CPD: variants seen among roughly 807,000 people sequenced by gnomAD.
CPD encodes carboxypeptidase D, also known as metallocarboxypeptidase D.
Under a neutral mutation model 138.3 loss-of-function variants are expected in CPD, and 69 were observed. The ratio of observed to expected loss-of-function variants is 0.50; its 90% CI spans 0.41 to 0.61. The LOEUF (loss-of-function observed/expected upper bound fraction) is 0.61, where lower values mean the gene tolerates loss of function less well. CPD is among the 20% of genes least tolerant of loss of function. The pLI is 0.00. For missense variants in CPD, 1,432 were observed against 1,733.3 expected (o/e 0.83, Z 3.09); for synonymous variants, 651 against 642.1 (o/e 1.01, Z -0.21).
intron 2 of CPD, among the ~76,000 whole-genome samples, chr17:30,399,412 A>T (rs1277774839): frequency 6.6e-6 from 1 of 152,166 alleles, no homozygotes; most frequent in Non-Finnish European, 1.5e-5. Flanking sequence ...AAGAATGTTG[A>T]AATGTGCAAC....
At chr17:30,427,057 C>G (rs1226454142) in intron 6 of CPD, among the ~76,000 whole-genome samples, 2 of 151,990 alleles carry the variant, frequency 1.3e-5, no homozygotes, top group East Asian at 3.9e-4. Context: ...TGGCAGGTGC[C>G]TGTAATTCCA....
chr17:30,469,563 T>C lies in CPD; in HGVS notation c.*4749T>C, dbSNP rs573214907. 6.6e-6 allele frequency: 1 copy of C among 152,354 alleles called. No homozygotes were observed. Among genetic ancestry groups the C allele is most frequent in the East Asian group, 1.9e-4 (1 of 5,194 alleles). 9.4% of individuals were successfully genotyped at this position (152,354 alleles called of 1,614,324 possible). A position where few individuals can be genotyped will look rare whatever the true frequency, so the allele number is the denominator to read the frequency against. ...GTCTTCTTATGCCTTTGAAAGAAAGTTACTTTATCAAATGTATAAATAAAG... is the reference window on the plus strand; with the variant it reads ...GTCTTCTTATGCCTTTGAAAGAAAGCTACTTTATCAAATGTATAAATAAAG... On this transcript the variant is annotated 3_prime_UTR_variant, in exon 21 of 21. Coordinates refer to ENST00000225719, the MANE Select transcript of CPD (RefSeq NM_001304.5).
At chr17:30,441,888 T>C (rs1912878434) in intron 9 of CPD, among the ~76,000 whole-genome samples, 1 of 150,458 alleles carries the variant, frequency 6.6e-6, no homozygotes, top group Non-Finnish European at 1.5e-5. Context: ...TTGTTGTGTC[T>C]CTGCCCGGCT....
chr17:30,418,188 C>CT (rs918759605), intron 2 of CPD, among the ~76,000 whole-genome samples: 8 of 143,366 alleles, frequency 5.6e-5, no homozygotes, highest in African/African-American at 7.6e-5. Context: ...TCATTTTTTT[C>CT]TTTTTTTTTC....
intron 2 of CPD, among the ~76,000 whole-genome samples, chr17:30,396,060 G>A (rs1911499857): frequency 6.6e-6 from 1 of 151,964 alleles, no homozygotes; most frequent in African/African-American, 2.4e-5. Context: ...TTTTACAAAC[G>A]TTATGCTCAT....
At chr17:30,386,882 C>A (rs1276307845) in intron 2 of CPD, among the ~76,000 whole-genome samples, 1 of 152,106 alleles carries the variant, frequency 6.6e-6, no homozygotes, top group Non-Finnish European at 1.5e-5. Flanking sequence ...GTTGTTTCCA[C>A]CTTGGCTACT....
intron 9 of CPD, 133 bp from the exon 10 acceptor site, chr17:30,442,175 C>T: frequency 1.4e-6 from 1 of 702,966 alleles, no homozygotes; most frequent in Non-Finnish European, 2.3e-6. Flanking sequence ...AAAGTGCCCT[C>T]ACATGAACAC....
Position 30,419,785 on chromosome 17 carries a change from C to T in CPD, c.995-1056C>T, listed in dbSNP as rs1262961124. On this transcript the variant is annotated intron_variant, in intron 2 of 20. Coordinates refer to ENST00000225719, the MANE Select transcript of CPD (RefSeq NM_001304.5). ...GAGTGAGTGGCAGAAGAATCTATGA[C>T]GGAAGCATATCTTTTGGTGCTGTCA... is the stretch of plus-strand genomic sequence containing the variant. 7.9e-5 allele frequency among the ~76,000 whole-genome samples: 12 copies of T among 152,170 alleles called. No individual in the cohort carries two copies. In the East Asian group the frequency reaches 9.6e-4, roughly 12 times the overall value.
intron 11 of CPD, among the ~76,000 whole-genome samples, chr17:30,444,399 G>T (rs1480857226): frequency 6.6e-6 from 1 of 151,718 alleles, no homozygotes; most frequent in East Asian, 1.9e-4. Flanking sequence ...TAACAGAAGT[G>T]TTAGTTGATG....
Position 30,464,807 on chromosome 17 carries a change from A to C in CPD, c.4136A>C (p.Lys1379Thr). The change falls in exon 21 of 21, where the codon AAA becomes ACA. Residue 1379 changes from lysine to threonine, a missense_variant. Lys to Thr is a moderately conservative substitution (Grantham distance 78). Coordinates refer to ENST00000225719, the MANE Select transcript of CPD (RefSeq NM_001304.5). ...DTEEETLYSS[K>T]H is the part of the protein sequence containing the mutation. ...GAAGAGGAAACATTATATTCTAGCA[A>C]ACATTGAAAAACACATTTTGCATAT... The C allele has an allele frequency of 6.2e-7, 1 of 1,612,948 alleles. No homozygotes were observed.
At chr17:30,422,123 T>C (rs1031680046) in intron 4 of CPD, among the ~76,000 whole-genome samples, 13 of 152,184 alleles carry the variant, frequency 8.5e-5, no homozygotes, top group African/African-American at 3.1e-4. Context: ...GCTAACCGAA[T>C]ACCAGAGTAG....
chr17:30,435,040 G>C (rs561586287), intron 8 of CPD, among the ~76,000 whole-genome samples: 2 of 152,074 alleles, frequency 1.3e-5, no homozygotes, highest in East Asian at 3.9e-4. Context: ...ATTCTAAACA[G>C]ATTAAGTATA....
intron 6 of CPD, among the ~76,000 whole-genome samples, chr17:30,427,098 C>G (rs1244390416): frequency 6.6e-6 from 1 of 151,558 alleles, no homozygotes; most frequent in African/African-American, 2.4e-5. Context: ...GGGAGAATCG[C>G]TTGAACCCGG....
chr17:30,462,173 T>C, intron 19 of CPD, 111 bp downstream of exon 19: 1 of 1,135,504 alleles, frequency 8.8e-7, no homozygotes, highest in Non-Finnish European at 1.2e-6. Context: ...AAATTAAAAG[T>C]GTGACTGCCT....
chr17:30,449,601 C>T lies in CPD; in HGVS notation c.2922C>T (p.Ser974=). ...GTCACATTTGGTCCCTTGAAATCTC[C>T]AATAAGCCCAATGTATCTGAGCCTG... is the stretch of plus-strand genomic sequence containing the variant. The part of the protein sequence containing the change: ...EYRHIWSLEI[S]NKPNVSEPEE... The change falls in exon 13 of 21, where the codon TCC becomes TCT. Residue 974 remains serine, a synonymous_variant. Coordinates refer to ENST00000225719, the MANE Select transcript of CPD (RefSeq NM_001304.5). 1 of 1,605,128 alleles carries T rather than the reference C, an allele frequency of 6.2e-7. No individual in the cohort carries two copies. The highest frequency in any genetic ancestry group is 1.1e-5 in the South Asian group (1 of 88,744).
chr17:30,390,146 A>C (rs930335468), intron 2 of CPD, among the ~76,000 whole-genome samples: 2 of 151,750 alleles, frequency 1.3e-5, no homozygotes, highest in Non-Finnish European at 2.9e-5. Context: ...CCTCTTGAGC[A>C]GCTGGGATTG....
intron 16 of CPD, 54 bp downstream of exon 16, chr17:30,456,405 G>A: frequency 1.9e-6 from 3 of 1,606,810 alleles, no homozygotes; most frequent in Non-Finnish European, 2.6e-6. Flanking sequence ...GCTTTTGTGG[G>A]GAAAGGAGTT....
rs139252291 is a variant in CPD at position 30,387,349 on chromosome 17, C to A, written c.994+2113C>A. Among the ~76,000 whole-genome samples, 266 of 152,246 alleles carry A rather than the reference C, an allele frequency of 1.7e-3. 1 individual carries two copies. Among genetic ancestry groups the A allele is most frequent in the Non-Finnish European group, 2.4e-3 (161 of 68,010 alleles). ...GGCCAGGCTGGTCTCGAACTCCTGACCTCGAGTGATCTACCTGTCTCAGCC... is the reference window on the plus strand; with the variant it reads ...GGCCAGGCTGGTCTCGAACTCCTGAACTCGAGTGATCTACCTGTCTCAGCC... On this transcript the variant is annotated intron_variant, in intron 2 of 20. Transcript: ENST00000225719.
At position 30,378,943 on chromosome 17, in the gene CPD, C is replaced by T. The variant is rs1432032160; in HGVS notation, c.-38C>T. On this transcript the variant is annotated 5_prime_UTR_variant, in exon 1 of 21. Transcript: ENST00000225719. ...GCCCCCGCCGCCCGGAGCGCTGAGC[C>T]GCGGGAGCGGAGCCGGGGTTAGCGG... The T allele has an allele frequency of 3.3e-5, 47 of 1,420,346 alleles. No homozygotes were observed. Among genetic ancestry groups the T allele is most frequent in the Non-Finnish European group, 4.1e-5 (45 of 1,101,344 alleles). The allele number at this position is 1,420,346 out of a possible 1,614,324, so 88.0% of individuals were successfully genotyped here.
Sources: allele counts gnomAD v4.1 joint callset (sites outside exome capture counted in the v4.1 genomes callset), GRCh38; gene constraint gnomAD v4.1.1; transcripts MANE v1.5; gene names NCBI Gene and HGNC (gene_info 2026-07-23, HGNC 2026-07-21).